Variants in ENOPH1 observed in about 807,000 individuals in gnomAD.
ENOPH1 encodes the protein enolase-phosphatase E1.
A neutral mutation model predicts 31.1 loss-of-function variants in ENOPH1; 14 were observed. The observed-to-expected ratio is 0.45, with a 90% CI of 0.30 to 0.70. The LOEUF (loss-of-function observed/expected upper bound fraction) is 0.70, where lower values mean the gene tolerates loss of function less well. Ranked by LOEUF, ENOPH1 falls within the 30% of genes least tolerant of loss-of-function variation. The probability of loss-of-function intolerance (pLI) is 0.09; values close to 1 mark genes in which losing one functional copy is unlikely to be tolerated. For missense variants in ENOPH1, 243 were observed against 321.5 expected (o/e 0.76, Z 1.87); for synonymous variants, 127 against 123.2 (o/e 1.03, Z -0.21).
Position 82,445,037 on chromosome 4 carries a change from G to A in ENOPH1, c.85-2883G>A, listed in dbSNP as rs527346403. Among the ~76,000 whole-genome samples, 10 of 152,204 alleles carry A rather than the reference G, an allele frequency of 6.6e-5. No homozygotes were observed. In the East Asian group the frequency reaches 1.5e-3, roughly 24 times the overall value. ...GTTCAAGACCAGCCTGAGCAACATA[G>A]CGAGATCTTGTCTTTACAAAACATT... is the stretch of plus-strand genomic sequence containing the variant. On this transcript the variant is annotated intron_variant, in intron 1 of 5. Transcript: ENST00000273920.
At chr4:82,455,360 A>G (rs1362456034) in intron 4 of ENOPH1, among the ~76,000 whole-genome samples, 5 of 152,340 alleles carry the variant, frequency 3.3e-5, no homozygotes, top group South Asian at 2.1e-4. Context: ...GACTACATTT[A>G]GGGTTTTAAA....
intron 2 of ENOPH1, 59 bp downstream of exon 2, chr4:82,448,080 T>A (rs1560466203): frequency 5.0e-6 from 6 of 1,211,990 alleles, no homozygotes; most frequent in Non-Finnish European, 7.2e-6. Context: ...ACCTGGAGAT[T>A]TAGGACATGC....
At chr4:82,436,562 C>T (rs184635839) in intron 1 of ENOPH1, among the ~76,000 whole-genome samples, 1 of 152,038 alleles carries the variant, frequency 6.6e-6, no homozygotes, top group East Asian at 1.9e-4. Flanking sequence ...TGGCATGTGC[C>T]TGTGATCCCA....
intron 1 of ENOPH1, among the ~76,000 whole-genome samples, chr4:82,434,312 G>A (rs867462950): frequency 9.9e-5 from 15 of 152,156 alleles, no homozygotes; most frequent in Non-Finnish European, 1.6e-4. Flanking sequence ...AGCCAGGTAC[G>A]GTGGCTCAGG....
In ENOPH1 at chr4:82,461,081, T is replaced by G. The variant is rs1185557645; in HGVS notation, c.*961T>G. The G allele has an allele frequency of 6.6e-6, 1 of 152,198 alleles. No homozygotes were observed. Among genetic ancestry groups the G allele is most frequent in the Non-Finnish European group, 1.5e-5 (1 of 68,020 alleles). The allele number at this position is 152,198 out of a possible 1,614,324, so 9.4% of individuals were successfully genotyped here. On this transcript the variant is annotated 3_prime_UTR_variant, in exon 6 of 6. Transcript: ENST00000273920. ...ATGTTGTGATTAATAAAAGCATTTT[T>G]TCTTCACTCAGTTTTATATAGGTTC...
intron 1 of ENOPH1, among the ~76,000 whole-genome samples, chr4:82,438,819 T>C (rs1721971091): frequency 6.6e-6 from 1 of 152,180 alleles, no homozygotes; most frequent in Admixed American, 6.5e-5. Flanking sequence ...GTCTGATGGG[T>C]CTTAAAATTT....
chr4:82,431,167 C>G (rs999486495), intron 1 of ENOPH1, among the ~76,000 whole-genome samples: 13 of 152,316 alleles, frequency 8.5e-5, no homozygotes, highest in Admixed American at 7.8e-4. Context: ...GAAGTTGACG[C>G]TAAAAATCAC....
chr4:82,458,985 G>A (rs570374594), intron 5 of ENOPH1, among the ~76,000 whole-genome samples: 24 of 152,246 alleles, frequency 1.6e-4, no homozygotes, highest in Non-Finnish European at 3.4e-4. Context: ...CTCTCAGCAC[G>A]ACTGCCCTTC....
chr4:82,444,874 A>G (rs770712876), intron 1 of ENOPH1, among the ~76,000 whole-genome samples: 2 of 152,224 alleles, frequency 1.3e-5, no homozygotes, highest in Admixed American at 6.5e-5. Flanking sequence ...CATATTTGTC[A>G]TACTATAGTA....
intron 5 of ENOPH1, among the ~76,000 whole-genome samples, chr4:82,458,127 C>A (rs924151283): frequency 6.6e-6 from 1 of 152,156 alleles, no homozygotes; most frequent in African/African-American, 2.4e-5. Flanking sequence ...GAGCTGTCTG[C>A]CTGCTTGCTC....
chr4:82,439,268 C>T (rs1176339006), intron 1 of ENOPH1, among the ~76,000 whole-genome samples: 3 of 152,140 alleles, frequency 2.0e-5, no homozygotes, highest in African/African-American at 4.8e-5. Flanking sequence ...CTAACAAGTT[C>T]CTTTTCTTAA....
intron 5 of ENOPH1, 142 bp downstream of exon 5, chr4:82,457,180 G>T: frequency 2.5e-6 from 2 of 801,074 alleles, no homozygotes; most frequent in Non-Finnish European, 3.6e-6. Context: ...AAGAAACAGT[G>T]TCTGGTTCAA....
chr4:82,441,479 GGGTGTGGTGGCA>G (rs1409996124), intron 1 of ENOPH1, among the ~76,000 whole-genome samples: 1 of 152,018 alleles, frequency 6.6e-6, no homozygotes, highest in Non-Finnish European at 1.5e-5. Context: ...AAAATTGGCC[GGGTGTGGTGGCA>G]GGCGTGGTGG....
intron 2 of ENOPH1, among the ~76,000 whole-genome samples, chr4:82,448,715 A>G (rs12507664): frequency 0.09 from 13,710 of 151,500 alleles, 665 homozygotes; most frequent in African/African-American, 0.12. Context: ...CGAGGTCAGG[A>G]GTTTGAGACC....
intron 1 of ENOPH1, among the ~76,000 whole-genome samples, chr4:82,441,327 T>C (rs1304223462): frequency 6.6e-6 from 1 of 152,130 alleles, no homozygotes; most frequent in South Asian, 2.1e-4. Context: ...CTCCCCTTTA[T>C]AAAACCATCA....
At chr4:82,458,813 G>C (rs1722567543) in intron 5 of ENOPH1, among the ~76,000 whole-genome samples, 1 of 152,158 alleles carries the variant, frequency 6.6e-6, no homozygotes, top group African/African-American at 2.4e-5. Flanking sequence ...CTGCAGAGGT[G>C]GTCTGAAGAA....
rs991209723 is a variant in ENOPH1, at chr4:82,432,169, G to A, written c.84+1256G>A. Among the ~76,000 whole-genome samples, 6 of 152,324 alleles carry A rather than the reference G, an allele frequency of 3.9e-5. 1 individual carries two copies. The South Asian group carries it at 1.2e-3, about 32-fold the overall frequency. The stretch of plus-strand genomic sequence containing the variant: ...GGCCTCCCAAAGTGCTGAGATTACA[G>A]GCATGAGCCAAGGCGCCTGGCCTGA... On this transcript the variant is annotated intron_variant, in intron 1 of 5. Transcript: ENST00000273920.
At chr4:82,458,130 G>A (rs1345761668) in intron 5 of ENOPH1, among the ~76,000 whole-genome samples, 1 of 152,178 alleles carries the variant, frequency 6.6e-6, no homozygotes, top group Non-Finnish European at 1.5e-5. Context: ...CTGTCTGCCT[G>A]CTTGCTCTTT....
chr4:82,442,510 ACT>A (rs1467559348), intron 1 of ENOPH1, among the ~76,000 whole-genome samples: 3 of 151,676 alleles, frequency 2.0e-5, no homozygotes, highest in Non-Finnish European at 2.9e-5. Flanking sequence ...ACAGAGCGAG[ACT>A]CTGTCTCAAA....
Sources: gnomAD v4.1 joint callset for allele counts (sites outside exome capture counted in the v4.1 genomes callset) on GRCh38, gnomAD v4.1.1 for gene constraint, MANE v1.5 for transcripts, NCBI Gene and HGNC (gene_info 2026-07-23, HGNC 2026-07-21) for gene names.